Variants in TNPO3 observed in about 807,000 individuals in gnomAD.
The protein encoded by TNPO3 is transportin 3.
TNPO3 carries 65 observed loss-of-function variants against 122.8 expected under a neutral mutation model. The ratio of observed to expected loss-of-function variants is 0.53; its 90% confidence interval spans 0.43 to 0.65. The LOEUF (loss-of-function observed/expected upper bound fraction) is 0.65. Among genes scored for constraint, TNPO3 ranks in the 30% least tolerant of loss-of-function variants. TNPO3 has a pLI of 0.00. For missense variants in TNPO3, 850 were observed against 1,136.7 expected (o/e 0.75, Z 3.63); for synonymous variants, 372 against 411.2 (o/e 0.90, Z 1.15).
At chr7:129,050,766 G>C (rs937109723) in intron 1 of TNPO3, among the ~76,000 whole-genome samples, 3 of 152,168 alleles carry the variant, frequency 2.0e-5, no homozygotes, top group Non-Finnish European at 4.4e-5. Context: ...AGGCTGACTA[G>C]AGAACTCAAG....
chr7:129,017,085 A>C, intron 2 of TNPO3, 29 bp from the exon 3 acceptor site: 2 of 1,569,028 alleles, frequency 1.3e-6, no homozygotes, highest in Non-Finnish European at 1.7e-6. Flanking sequence ...ATAAATGAAG[A>C]CAGATGAACA....
chr7:129,056,096 C>T (rs769193473), upstream of TNPO3: 5 of 1,116,594 alleles, frequency 4.5e-6, no homozygotes, highest in East Asian at 2.4e-5. Flanking sequence ...GGGAGCTCAT[C>T]GGCACTCAGA....
intron 8 of TNPO3, among the ~76,000 whole-genome samples, chr7:128,996,548 C>T (rs1410748461): frequency 6.6e-6 from 1 of 151,860 alleles, no homozygotes; most frequent in Non-Finnish European, 1.5e-5. Flanking sequence ...TCGAGACCAT[C>T]CTGGCTAACA....
chr7:129,050,106 G>A lies in TNPO3; in HGVS notation c.120+4545C>T, dbSNP rs574738471. ...TAAAAAGGGTGAGGTGGGGTGGGCT[G>A]GGCGCAGTCACTCATGCCTGTAATC... On this transcript the variant is annotated intron_variant, in intron 1 of 22. Coordinates refer to ENST00000265388, the MANE Select transcript of TNPO3 (RefSeq NM_012470.4). Among the ~76,000 whole-genome samples the A allele has an allele frequency of 3.9e-5, 6 of 151,976 alleles. No homozygotes were observed. In the East Asian group the frequency reaches 9.6e-4, roughly 24 times the overall value.
chr7:128,976,022 A>G, intron 16 of TNPO3, 87 bp from the exon 17 acceptor site: 1 of 914,444 alleles, frequency 1.1e-6, no homozygotes. Flanking sequence ...AAATTCAGAG[A>G]TAGATTGGCT....
intron 1 of TNPO3, among the ~76,000 whole-genome samples, chr7:129,052,357 A>G (rs2150576370): frequency 6.6e-6 from 1 of 152,364 alleles, no homozygotes; most frequent in Admixed American, 6.5e-5. Flanking sequence ...AGCCAACTCC[A>G]TACTTTTCAA....
intron 19 of TNPO3, chr7:128,970,590 A>G (rs1360654035): frequency 1.3e-5 from 3 of 237,656 alleles, no homozygotes; most frequent in Non-Finnish European, 2.4e-5. Flanking sequence ...ATTTTTCATG[A>G]TTTGAAGGCA....
chr7:129,042,603 T>A (rs1807519096), intron 1 of TNPO3, among the ~76,000 whole-genome samples: 1 of 152,124 alleles, frequency 6.6e-6, no homozygotes. Context: ...TTATGAGAAT[T>A]TTACAAAACG....
intron 21 of TNPO3, among the ~76,000 whole-genome samples, chr7:128,962,039 G>A (rs547597471): frequency 5.5e-4 from 84 of 152,264 alleles, no homozygotes; most frequent in Non-Finnish European, 9.9e-4. Flanking sequence ...AGACTGAAAC[G>A]TCCCAGCTTT....
chr7:129,012,864 T>A (rs1803369459), intron 4 of TNPO3, among the ~76,000 whole-genome samples: 2 of 152,102 alleles, frequency 1.3e-5, no homozygotes, highest in African/African-American at 4.8e-5. Context: ...ATGGACAAAA[T>A]ATAACCAAAT....
intron 21 of TNPO3, among the ~76,000 whole-genome samples, chr7:128,959,699 T>C (rs189491120): frequency 9.5e-4 from 145 of 152,288 alleles, no homozygotes; most frequent in African/African-American, 3.1e-3. Context: ...TGAAGTGTCC[T>C]TGGTGGGGAG....
chr7:129,044,413 G>GA (rs1447434915), intron 1 of TNPO3, among the ~76,000 whole-genome samples: 1 of 151,946 alleles, frequency 6.6e-6, no homozygotes, highest in East Asian at 1.9e-4. Context: ...GTGGGCTTGA[G>GA]AAAAAAATAA....
At chr7:128,967,534 A>G in intron 20 of TNPO3, 142 bp from the exon 21 acceptor site, 1 of 598,530 alleles carries the variant, frequency 1.7e-6, no homozygotes. Flanking sequence ...GGAATCAACA[A>G]AAGTGCTCTC....
intron 16 of TNPO3, among the ~76,000 whole-genome samples, chr7:128,978,724 T>C (rs538588978): frequency 6.6e-6 from 1 of 152,260 alleles, no homozygotes; most frequent in East Asian, 1.9e-4. Context: ...GTGCAGCTCC[T>C]GGGTTCAAGC....
intron 8 of TNPO3, among the ~76,000 whole-genome samples, chr7:128,996,515 G>T (rs1001333022): frequency 6.6e-6 from 1 of 151,972 alleles, no homozygotes; most frequent in Non-Finnish European, 1.5e-5. Flanking sequence ...AGGCTGAGGT[G>T]GGTGGATCAT....
chr7:128,982,217 C>A, intron 14 of TNPO3, 31 bp downstream of exon 14: 2 of 1,587,410 alleles, frequency 1.3e-6, no homozygotes, highest in South Asian at 2.2e-5. Flanking sequence ...GCCTTTAACC[C>A]AAGTAAGGCA....
chr7:128,986,366 C>G, intron 12 of TNPO3, among the ~76,000 whole-genome samples: 1 of 152,208 alleles, frequency 6.6e-6, no homozygotes, highest in East Asian at 1.9e-4. Flanking sequence ...TCCATGTATA[C>G]TACCTTTCAA....
chr7:129,014,645 TATTAACA>T (rs1803624004), intron 4 of TNPO3, among the ~76,000 whole-genome samples: 1 of 152,218 alleles, frequency 6.6e-6, no homozygotes, highest in Non-Finnish European at 1.5e-5. Flanking sequence ...CATGATCCTT[TATTAACA>T]GCCAACAGTT....
intron 15 of TNPO3, 74 bp downstream of exon 15, chr7:128,979,897 C>T: frequency 7.5e-7 from 1 of 1,341,922 alleles, no homozygotes. Context: ...AGTATCTTCT[C>T]AGGTGAGTTA....
Sources: gnomAD v4.1 joint callset for allele counts (sites outside exome capture counted in the v4.1 genomes callset) on GRCh38, gnomAD v4.1.1 for gene constraint, MANE v1.5 for transcripts, NCBI Gene and HGNC (gene_info 2026-07-23, HGNC 2026-07-21) for gene names.